Variants in IGSF21 observed in about 807,000 individuals in gnomAD.
IGSF21 encodes the protein immunoglobulin superfamily member 21.
Under a neutral mutation model 46.8 loss-of-function variants are expected in IGSF21, and 28 were observed. That is an observed-to-expected ratio of 0.60 (90% CI 0.44 to 0.82). The LOEUF (loss-of-function observed/expected upper bound fraction) is 0.82. Among genes scored for constraint, IGSF21 ranks in the 40% least tolerant of loss-of-function variants. IGSF21 has a pLI of 0.00. For missense variants in IGSF21, 624 were observed against 665.5 expected (o/e 0.94, Z 0.69); for synonymous variants, 284 against 273.6 (o/e 1.04, Z -0.38).
chr1:18,206,418 G>A (rs2084328477), intron 1 of IGSF21, among the ~76,000 whole-genome samples: 1 of 151,894 alleles, frequency 6.6e-6, no homozygotes, highest in Non-Finnish European at 1.5e-5. Flanking sequence ...GTGTGGTGGT[G>A]CATGCCTGTA....
rs764441714 is a variant in IGSF21, at chr1:18,376,410, G to C, written c.1101+15G>C. On this transcript the variant is annotated intron_variant, in intron 7 of 9. Coordinates refer to ENST00000251296, the MANE Select transcript of IGSF21 (RefSeq NM_032880.5). Reference sequence around the variant, plus strand: ...ATGGGTTTCAGGTCAGCCTCTCTCTGAGCATCTGGGAGGGTGGTGGGAGGT... The same window carrying C: ...ATGGGTTTCAGGTCAGCCTCTCTCTCAGCATCTGGGAGGGTGGTGGGAGGT... The C allele has an allele frequency of 1.9e-6, 3 of 1,589,412 alleles. No individual in the cohort carries two copies. Among genetic ancestry groups the C allele is most frequent in the Admixed American group, 3.3e-5 (2 of 59,986 alleles).
chr1:18,219,670 C>G (rs561966780), intron 1 of IGSF21, among the ~76,000 whole-genome samples: 37 of 152,240 alleles, frequency 2.4e-4, no homozygotes, highest in African/African-American at 8.4e-4. Flanking sequence ...CTCTGAGCTC[C>G]CTGATTGGCA....
chr1:18,122,193 C>CTTTTTTTTTT (rs766563472), intron 1 of IGSF21, among the ~76,000 whole-genome samples: 9 of 78,764 alleles, frequency 1.1e-4, no homozygotes, highest in African/African-American at 2.8e-4. Context: ...TTCTTTCTTT[C>CTTTTTTTTTT]TTTTTTTTTT....
intron 1 of IGSF21, among the ~76,000 whole-genome samples, chr1:18,225,978 G>T (rs2084562404): frequency 6.6e-6 from 1 of 152,236 alleles, no homozygotes; most frequent in South Asian, 2.1e-4. Context: ...AATCATAATA[G>T]TTCCTCTCTC....
At chr1:18,183,783 A>G (rs556680193) in intron 1 of IGSF21, among the ~76,000 whole-genome samples, 33 of 152,248 alleles carry the variant, frequency 2.2e-4, no homozygotes, top group African/African-American at 7.2e-4. Flanking sequence ...AGGGAGCAGC[A>G]GCTCCCTCGG....
At chr1:18,124,563 C>T (rs2086259683) in intron 1 of IGSF21, among the ~76,000 whole-genome samples, 1 of 152,140 alleles carries the variant, frequency 6.6e-6, no homozygotes, top group African/African-American at 2.4e-5. Flanking sequence ...CCCATCCTGA[C>T]CTTATGTGGC....
intron 2 of IGSF21, among the ~76,000 whole-genome samples, chr1:18,256,473 C>T (rs2084893606): frequency 6.6e-6 from 1 of 152,132 alleles, no homozygotes; most frequent in South Asian, 2.1e-4. Context: ...CCCAGGGAGC[C>T]GGCTCCCAGG....
Position 18,272,604 on chromosome 1 carries a change from C to T in IGSF21, c.184-19262C>T, listed in dbSNP as rs1039375794. ...GCTGAAGATCCATCACCCATGTGAC[C>T]GCGACAGCCCCTTCTTCCATTTTCC... On this transcript the variant is annotated intron_variant, in intron 2 of 9. Transcript: ENST00000251296. Among the ~76,000 whole-genome samples the T allele has an allele frequency of 9.9e-5, 15 of 152,206 alleles. 1 individual carries two copies. The highest frequency in any genetic ancestry group is 5.2e-4 in the Admixed American group (8 of 15,282).
chr1:18,331,896 A>G (rs960175537), intron 3 of IGSF21, among the ~76,000 whole-genome samples: 1 of 152,164 alleles, frequency 6.6e-6, no homozygotes, highest in African/African-American at 2.4e-5. Flanking sequence ...AGGGTGCCCA[A>G]GAGTGTGCCT....
chr1:18,155,538 G>A (rs551479599), intron 1 of IGSF21, among the ~76,000 whole-genome samples: 1 of 152,328 alleles, frequency 6.6e-6, no homozygotes, highest in African/African-American at 2.4e-5. Flanking sequence ...CCCCCTCCAG[G>A]GGCAATTCTG....
At chr1:18,130,933 C>T (rs978961604) in intron 1 of IGSF21, among the ~76,000 whole-genome samples, 3 of 152,228 alleles carry the variant, frequency 2.0e-5, no homozygotes, top group Non-Finnish European at 4.4e-5. Flanking sequence ...CTCTCACAGC[C>T]TGTATGGGGG....
At chr1:18,330,118 A>T (rs2124602267) in intron 3 of IGSF21, among the ~76,000 whole-genome samples, 1 of 152,348 alleles carries the variant, frequency 6.6e-6, no homozygotes, top group South Asian at 2.1e-4. Context: ...CTATCTGTGG[A>T]AAGCCTTCTA....
intron 1 of IGSF21, among the ~76,000 whole-genome samples, chr1:18,151,004 C>CA (rs2086517182): frequency 6.6e-6 from 1 of 152,206 alleles, no homozygotes; most frequent in African/African-American, 2.4e-5. Flanking sequence ...CCAGAGAAAA[C>CA]AAAGGCTCAG....
intron 2 of IGSF21, among the ~76,000 whole-genome samples, chr1:18,282,843 G>A (rs756993160): frequency 9.2e-5 from 14 of 152,122 alleles, no homozygotes; most frequent in Non-Finnish European, 2.1e-4. Flanking sequence ...TCTTCCCTGT[G>A]CTAACATCTA....
At chr1:18,302,387 C>T (rs1557633377) in intron 3 of IGSF21, among the ~76,000 whole-genome samples, 1 of 152,188 alleles carries the variant, frequency 6.6e-6, no homozygotes, top group African/African-American at 2.4e-5. Flanking sequence ...TTCTCCATGG[C>T]TCCTACCTCA....
At position 18,334,751 on chromosome 1, in the gene IGSF21, C is replaced by T; in HGVS notation, c.306-141C>T. ...GCATACAGTCGGTGTTCCATAAATG[C>T]TCCCCTCCTCCCAGCCCAGCACACA... On this transcript the variant is annotated intron_variant, in intron 3 of 9. Coordinates refer to ENST00000251296, the MANE Select transcript of IGSF21 (RefSeq NM_032880.5). This position sits in a 1 kb window ranked among gnomAD's most constrained non-coding sequence, Gnocchi z 4.3. 2.9e-6 allele frequency: 2 copies of T among 685,662 alleles called. No individual in the cohort carries two copies. Among genetic ancestry groups the T allele is most frequent in the South Asian group, 1.6e-5 (1 of 61,752 alleles). 42.5% of individuals were successfully genotyped at this position (685,662 alleles called of 1,614,324 possible).
At chr1:18,306,492 C>T (rs1400147637) in intron 3 of IGSF21, among the ~76,000 whole-genome samples, 1 of 152,152 alleles carries the variant, frequency 6.6e-6, no homozygotes, top group African/African-American at 2.4e-5. Context: ...ATTTATTTAT[C>T]TGAATATACA....
intron 1 of IGSF21, among the ~76,000 whole-genome samples, chr1:18,212,027 T>A (rs2084397870): frequency 6.6e-6 from 1 of 152,320 alleles, no homozygotes; most frequent in African/African-American, 2.4e-5. Context: ...CAATGTTCCA[T>A]AAGGCAGGCT....
intron 6 of IGSF21, among the ~76,000 whole-genome samples, chr1:18,368,276 C>A (rs1180509720): frequency 6.6e-6 from 1 of 151,388 alleles, no homozygotes; most frequent in Non-Finnish European, 1.5e-5. Context: ...GAGGCCAAGG[C>A]GGGTGGATCA....
Sources: allele counts gnomAD v4.1 joint callset (sites outside exome capture counted in the v4.1 genomes callset), GRCh38; gene constraint gnomAD v4.1.1; non-coding constraint Gnocchi (gnomAD v3.1); transcripts MANE v1.5; gene names NCBI Gene and HGNC (gene_info 2026-07-23, HGNC 2026-07-21).